The following YME1L1 variants were observed in gnomAD, a reference collection of about 807,000 sequenced individuals.
The protein encoded by YME1L1 is YME1 like 1 ATPase.
A neutral mutation model predicts 90.4 loss-of-function variants in YME1L1; 39 were observed. The observed-to-expected ratio is 0.43, with a 90% CI of 0.33 to 0.56. The LOEUF (loss-of-function observed/expected upper bound fraction) is 0.56. Among genes scored for constraint, YME1L1 ranks in the 20% least tolerant of loss-of-function variants. YME1L1 has a pLI of 0.03. For synonymous variants in YME1L1, 284 were observed against 287.3 expected (o/e 0.99, Z 0.12); for missense variants, 617 against 868.4 (o/e 0.71, Z 3.64).
chr10:27,154,356 C>G lies in YME1L1; in HGVS notation c.-146G>C. 1 of 919,962 alleles carries G rather than the reference C, an allele frequency of 1.1e-6. No homozygotes were observed. The highest frequency in any genetic ancestry group is 1.6e-6 in the Non-Finnish European group (1 of 610,658). 57.0% of individuals were successfully genotyped at this position (919,962 alleles called of 1,614,324 possible). ...CCTCCCAGAAACGGAAAATGGCCTCCCCTTCCTACAGCTACTGCAACGACA... is the reference window on the plus strand; with the variant it reads ...CCTCCCAGAAACGGAAAATGGCCTCGCCTTCCTACAGCTACTGCAACGACA... On this transcript the variant is annotated 5_prime_UTR_variant, in exon 1 of 19. Transcript: ENST00000376016.
intron 4 of YME1L1, among the ~76,000 whole-genome samples, chr10:27,141,382 C>T (rs2149413): frequency 0.14 from 22,004 of 152,042 alleles, 1,911 homozygotes; most frequent in Admixed American, 0.23. Flanking sequence ...AAAAACAAAA[C>T]AAAACAAAAC....
rs113627387 is a variant in YME1L1, at chr10:27,132,650, T to G, written c.776-709A>C. ...TCTTGGCTAACGGTGAAACGCCGTC[T>G]CTACTAAAAACACAAAAAATTAGCT... is the stretch of plus-strand genomic sequence containing the variant. On this transcript the variant is annotated intron_variant, in intron 7 of 18. Coordinates refer to ENST00000376016, the MANE Select transcript of YME1L1 (RefSeq NM_014263.4). 2.1e-3 allele frequency among the ~76,000 whole-genome samples: 322 copies of G among 151,766 alleles called. 2 individuals carry two copies. Among genetic ancestry groups the G allele is most frequent in the African/African-American group, 7.5e-3 (311 of 41,450 alleles).
In YME1L1 at chr10:27,122,850, T is replaced by A. The variant is rs2056880706; in HGVS notation, c.1226A>T (p.Glu409Val). 1 of 1,613,154 alleles carries A rather than the reference T, an allele frequency of 6.2e-7. No individual in the cohort carries two copies. The highest frequency in any genetic ancestry group is 8.5e-7 in the Non-Finnish European group (1 of 1,179,670). ...SRQTINQLLA[E>V]MDGFKPNEGV... ...AAGAAGACTCAATTACCCATCCATT[T>A]CAGCAAGAAGTTGATTTATGGTCTG... Residue 409 changes from glutamate (E) to valine (V), a missense_variant, in exon 11 of 19, where the codon GAA (glutamate) becomes GTA (valine). Glu to Val is a moderately radical substitution (Grantham distance 121). This residue lies in a region of YME1L1 where 93 missense variants were observed against 184.8 expected (regional missense o/e 0.50). Transcript: ENST00000376016.
In YME1L1 at chr10:27,149,034, C is replaced by T. The variant is rs1048246615; in HGVS notation, c.40G>A (p.Val14Ile). Residue 14 changes from valine to isoleucine, a missense_variant, in exon 2 of 19, where the codon GTT (valine) becomes ATT (isoleucine). By Grantham distance (29) the Val-to-Ile change is conservative. This residue lies in a region of YME1L1 where 311 missense variants were observed against 335.8 expected (regional missense o/e 0.93). Coordinates refer to ENST00000376016, the MANE Select transcript of YME1L1 (RefSeq NM_014263.4). ...LSSTVQPQVTVPLSHLINAFH... is the reference protein window; with the variant it reads ...LSSTVQPQVTIPLSHLINAFH... ...GCATTGATGAGATGACTCAGAGGAA[C>T]TGTAACCTAGAAAAAGATAAAAGTT... 6.3e-7 allele frequency: 1 copy of T among 1,593,896 alleles called. No individual in the cohort carries two copies. The highest frequency in any genetic ancestry group is 1.2e-5 in the South Asian group (1 of 86,548).
At chr10:27,139,752 A>G (rs2057066484) in intron 4 of YME1L1, among the ~76,000 whole-genome samples, 1 of 152,216 alleles carries the variant, frequency 6.6e-6, no homozygotes, top group African/African-American at 2.4e-5. Flanking sequence ...TTTTTGACAT[A>G]AAGTTACACA....
At chr10:27,126,953 G>C (rs943074704) in intron 8 of YME1L1, among the ~76,000 whole-genome samples, 167 bp from the exon 9 acceptor site, 1 of 152,050 alleles carries the variant, frequency 6.6e-6, no homozygotes, top group Non-Finnish European at 1.5e-5. Flanking sequence ...TAAAACAAAG[G>C]GTTTTCCCCT....
In YME1L1 at chr10:27,116,041, G is replaced by C. The variant is rs755566265; in HGVS notation, c.1920+19C>G. The C allele has an allele frequency of 6.3e-7, 1 of 1,598,644 alleles. No homozygotes were observed. The highest frequency in any genetic ancestry group is 2.2e-5 in the East Asian group (1 of 44,758). ...GACACATAATTTGATACATGAAAAG[G>C]ATTTAAAAAATCTATTACCTTTTCA... On this transcript the variant is annotated intron_variant, in intron 17 of 18. Coordinates refer to ENST00000376016, the MANE Select transcript of YME1L1 (RefSeq NM_014263.4).
At chr10:27,135,212 C>T (rs1325787443) in intron 5 of YME1L1, among the ~76,000 whole-genome samples, 9 of 152,260 alleles carry the variant, frequency 5.9e-5, no homozygotes, top group African/African-American at 1.9e-4. Context: ...ATTCTCTGCA[C>T]GAACACTACA....
At chr10:27,122,575 A>C (rs1005130454) in intron 11 of YME1L1, among the ~76,000 whole-genome samples, 1 of 152,170 alleles carries the variant, frequency 6.6e-6, no homozygotes, top group African/African-American at 2.4e-5. Context: ...TGTAACAATA[A>C]ATGAGAAAGG....
chr10:27,117,819 C>T, intron 14 of YME1L1, 92 bp from the exon 15 acceptor site: 1 of 1,300,606 alleles, frequency 7.7e-7, no homozygotes, highest in African/African-American at 1.5e-5. Context: ...ATACACTCCA[C>T]CCTTCCTATC....
intron 4 of YME1L1, 49 bp downstream of exon 4, chr10:27,142,338 T>G (rs769451544): frequency 9.2e-7 from 1 of 1,088,474 alleles, no homozygotes; most frequent in South Asian, 2.1e-5. Flanking sequence ...AATCAGACTA[T>G]AGTAAATAAA....
chr10:27,136,234 T>C (rs1413703934), intron 5 of YME1L1, 42 bp downstream of exon 5: 1 of 1,528,510 alleles, frequency 6.5e-7, no homozygotes, highest in Admixed American at 1.8e-5. Context: ...CTCTAACAAC[T>C]TGAAAATATT....
At chr10:27,128,836 G>C (rs2056947225) in intron 8 of YME1L1, among the ~76,000 whole-genome samples, 2 of 152,042 alleles carry the variant, frequency 1.3e-5, no homozygotes, top group South Asian at 2.1e-4. Flanking sequence ...TGGAGCCCAG[G>C]AGGAGGAGGT....
At chr10:27,150,200 A>G (rs1467657341) in intron 1 of YME1L1, among the ~76,000 whole-genome samples, 11 of 149,702 alleles carry the variant, frequency 7.3e-5, no homozygotes, top group Non-Finnish European at 1.5e-5. Flanking sequence ...CTGTCTCAAG[A>G]AAAAAAAAAA....
chr10:27,111,715 G>T lies in YME1L1; in HGVS notation c.*262C>A. ...ATTACTTTCAACTTAATAACTAATT[G>T]ACATTCCTCAAAAGAGCTGTTTTCA... On this transcript the variant is annotated 3_prime_UTR_variant, in exon 19 of 19. Transcript: ENST00000376016. The T allele has an allele frequency of 1.9e-6, 1 of 525,366 alleles. No individual in the cohort carries two copies. The highest frequency in any genetic ancestry group is 3.4e-6 in the Non-Finnish European group (1 of 290,794). 32.5% of individuals were successfully genotyped at this position (525,366 alleles called of 1,614,324 possible).
intron 18 of YME1L1, among the ~76,000 whole-genome samples, chr10:27,112,962 C>T (rs952394472): frequency 2.0e-5 from 3 of 152,124 alleles, no homozygotes; most frequent in Non-Finnish European, 4.4e-5. Context: ...TGGCTCACAC[C>T]TGTAATCCCA....
intron 6 of YME1L1, 54 bp from the exon 7 acceptor site, chr10:27,134,176 C>T (rs2057003770): frequency 7.7e-7 from 1 of 1,306,424 alleles, no homozygotes; most frequent in Non-Finnish European, 1.1e-6. Context: ...AATATGACAG[C>T]TCAATGAAAT....
chr10:27,125,245 T>G (rs1020249212), intron 9 of YME1L1, among the ~76,000 whole-genome samples: 1 of 152,104 alleles, frequency 6.6e-6, no homozygotes, highest in Non-Finnish European at 1.5e-5. Flanking sequence ...AAATTCAATA[T>G]AAATGGTTAA....
At chr10:27,121,757 T>A (rs2135852033) in intron 11 of YME1L1, among the ~76,000 whole-genome samples, 1 of 151,922 alleles carries the variant, frequency 6.6e-6, no homozygotes, top group East Asian at 1.9e-4. Flanking sequence ...TATTTTTTTT[T>A]TTTTTTGGAG....
Sources: gnomAD v4.1 joint callset for allele counts (sites outside exome capture counted in the v4.1 genomes callset) on GRCh38, gnomAD v4.1.1 for gene constraint, gnomAD v4.1.1 regional missense constraint, MANE v1.5 for transcripts, NCBI Gene and HGNC (gene_info 2026-07-23, HGNC 2026-07-21) for gene names.